The following ANXA5 variants were observed in gnomAD, a reference collection of about 807,000 sequenced individuals.
ANXA5 encodes CBP-I.
ANXA5 carries 40 observed loss-of-function variants against 48.1 expected under a neutral mutation model. That is an observed-to-expected ratio of 0.83 (90% confidence interval 0.65 to 1.08). ANXA5 has a LOEUF of 1.08. ANXA5 is among the 50% of genes least tolerant of loss of function. The pLI is 0.00. For synonymous variants in ANXA5, 113 were observed against 129.1 expected (o/e 0.88, Z 0.85); for missense variants, 357 against 376.8 (o/e 0.95, Z 0.44).
At chr4:121,679,634 A>C (rs1404544358) in intron 6 of ANXA5, among the ~76,000 whole-genome samples, 2 of 152,078 alleles carry the variant, frequency 1.3e-5, no homozygotes, top group Non-Finnish European at 2.9e-5. Flanking sequence ...CCGTCCCTCA[A>C]TACACTCTCC....
intron 10 of ANXA5, among the ~76,000 whole-genome samples, chr4:121,670,267 C>T (rs375484154): frequency 2.4e-4 from 36 of 152,186 alleles, no homozygotes; most frequent in African/African-American, 5.5e-4. Flanking sequence ...TTTTTCTATG[C>T]GCCTTGGTTC....
At chr4:121,690,548 C>G (rs1415502204) in intron 2 of ANXA5, among the ~76,000 whole-genome samples, 2 of 151,490 alleles carry the variant, frequency 1.3e-5, no homozygotes, top group African/African-American at 4.9e-5. Flanking sequence ...CAACAGTTTG[C>G]AAAGCAGGCT....
At chr4:121,693,062 C>T (rs775714608) in intron 2 of ANXA5, among the ~76,000 whole-genome samples, 2 of 152,136 alleles carry the variant, frequency 1.3e-5, no homozygotes, top group Admixed American at 1.3e-4. Context: ...GGCGAAACTC[C>T]GTCTCTACTA....
chr4:121,674,441 G>C (rs1724665274), intron 8 of ANXA5, among the ~76,000 whole-genome samples: 1 of 152,124 alleles, frequency 6.6e-6, no homozygotes, highest in Admixed American at 6.6e-5. Context: ...TCTACATGTA[G>C]ATAAAATATA....
chr4:121,684,626 A>G lies in ANXA5; in HGVS notation c.189+51T>C, dbSNP rs764003339. The G allele has an allele frequency of 2.0e-5, 29 of 1,478,464 alleles. 1 individual carries two copies. The highest frequency in any genetic ancestry group is 1.7e-4 in the Middle Eastern group (1 of 5,800). The allele number at this position is 1,478,464 out of a possible 1,614,324, so 91.6% of individuals were successfully genotyped here. ...TATCAGTATATTCCAAACTAGTCTT[A>G]TAACTGATAGCTGTTCTCCCATTCT... On this transcript the variant is annotated intron_variant, in intron 4 of 12. Transcript: ENST00000296511.
intron 2 of ANXA5, among the ~76,000 whole-genome samples, chr4:121,690,341 T>C (rs1207103444): frequency 6.6e-6 from 1 of 151,998 alleles, no homozygotes; most frequent in East Asian, 1.9e-4. Flanking sequence ...AGGAGGGTGA[T>C]GGCATGGAAG....
At chr4:121,674,084 G>C (rs936020051) in intron 8 of ANXA5, among the ~76,000 whole-genome samples, 2 of 150,530 alleles carry the variant, frequency 1.3e-5, no homozygotes, top group African/African-American at 4.9e-5. Flanking sequence ...GGGAGGCTGT[G>C]GCAAGAGAAT....
At chr4:121,684,106 GT>G (rs1724836743) in intron 4 of ANXA5, among the ~76,000 whole-genome samples, 3 of 151,864 alleles carry the variant, frequency 2.0e-5, no homozygotes, top group African/African-American at 4.8e-5. Flanking sequence ...CTTTGCACTT[GT>G]TTCCTTAGTT....
chr4:121,672,407 A>C (rs904150971), intron 9 of ANXA5, 126 bp downstream of exon 9: 7 of 647,296 alleles, frequency 1.1e-5, no homozygotes, highest in Non-Finnish European at 1.6e-5. Context: ...GGTCACCAAA[A>C]GGAAGAAATA....
At chr4:121,675,795 G>T (rs1724686708) in intron 8 of ANXA5, among the ~76,000 whole-genome samples, 1 of 152,202 alleles carries the variant, frequency 6.6e-6, no homozygotes, top group African/African-American at 2.4e-5. Flanking sequence ...CAGACCCATA[G>T]AATCAGAATC....
chr4:121,672,569 T>A lies in ANXA5; in HGVS notation c.589A>T (p.Ile197Phe), dbSNP rs1424893349. The A allele has an allele frequency of 6.2e-7, 1 of 1,613,918 alleles. No individual in the cohort carries two copies. Among genetic ancestry groups the A allele is most frequent in the East Asian group, 2.2e-5 (1 of 44,862 alleles). Residue 197 changes from isoleucine (I) to phenylalanine (F), a missense_variant, in exon 9 of 13, where the codon ATC (isoleucine) becomes TTC (phenylalanine). Ile to Phe is a conservative substitution (Grantham distance 21). Coordinates refer to ENST00000296511, the MANE Select transcript of ANXA5 (RefSeq NM_001154.4). ...TGAGACACACTTCGTGTTCCAAAGA[T>A]GGTGATAAACTTTTCTTCATCTGTC... ...WGTDEEKFITIFGTRSVSHLR... is the reference protein window; with the variant it reads ...WGTDEEKFITFFGTRSVSHLR...
intron 6 of ANXA5, among the ~76,000 whole-genome samples, chr4:121,679,846 T>C (rs1724760301): frequency 6.6e-6 from 1 of 152,214 alleles, no homozygotes; most frequent in Non-Finnish European, 1.5e-5. Flanking sequence ...ATCAAGTTAA[T>C]CAGCATATCC....
intron 2 of ANXA5, among the ~76,000 whole-genome samples, chr4:121,694,282 AT>A (rs1725040886): frequency 9.8e-6 from 1 of 102,334 alleles, no homozygotes; most frequent in Non-Finnish European, 2.0e-5. Context: ...TAAATAAAAA[AT>A]AAACAAAAAA....
At chr4:121,669,496 A>G in intron 12 of ANXA5, 106 bp downstream of exon 12, 1 of 1,416,098 alleles carries the variant, frequency 7.1e-7, no homozygotes, top group South Asian at 1.3e-5. Flanking sequence ...GTGTCACTAA[A>G]ATTTTAAACT....
At chr4:121,677,797 A>G (rs1215687392) in intron 8 of ANXA5, 97 bp downstream of exon 8, 3 of 1,061,548 alleles carry the variant, frequency 2.8e-6, no homozygotes, top group Non-Finnish European at 4.4e-6. Context: ...GATTATCACT[A>G]GAAGCTATTA....
Position 121,686,382 on chromosome 4 carries a change from G to A in ANXA5, c.10-10C>T, listed in dbSNP as rs754721254. 6.9e-6 allele frequency: 11 copies of A among 1,603,832 alleles called. No homozygotes were observed. The highest frequency in any genetic ancestry group is 2.2e-5 in the South Asian group (2 of 90,774). On this transcript the variant is annotated splice_polypyrimidine_tract_variant and intron_variant, in intron 2 of 12. Transcript: ENST00000296511. ...CAGTGCCTCTGAGAACCTAATTCAC[G>A]AAACACAGTGGTATTATTCATATCA... is the stretch of plus-strand genomic sequence containing the variant.
At chr4:121,685,497 A>T (rs1197579266) in intron 3 of ANXA5, among the ~76,000 whole-genome samples, 2 of 152,204 alleles carry the variant, frequency 1.3e-5, no homozygotes, top group Non-Finnish European at 2.9e-5. Context: ...CAGTGGGGAA[A>T]TACAGGGCTT....
rs1487934715 is a variant in ANXA5, at chr4:121,686,303, C to A, written c.79G>T (p.Ala27Ser). The change falls in exon 3 of 13, where the codon GCT becomes TCT. Residue 27 changes from alanine (A) to serine (S), a missense_variant. Ala to Ser is a moderately conservative substitution (Grantham distance 99). Transcript: ENST00000296511. ...ERADAETLRKAMKGLGTDEES... is the reference protein window; with the variant it reads ...ERADAETLRKSMKGLGTDEES... ...CTAAATTTACCCAAGCCTTTCATAG[C>A]CTTCCGAAGAGTTTCTGCATCAGCC... 1 of 1,613,794 alleles carries A rather than the reference C, an allele frequency of 6.2e-7. No homozygotes were observed. The highest frequency in any genetic ancestry group is 2.2e-5 in the East Asian group (1 of 44,888).
chr4:121,685,097 T>C (rs6848645), intron 3 of ANXA5, among the ~76,000 whole-genome samples: 109,195 of 149,506 alleles, frequency 0.73, 42,933 homozygotes, highest in East Asian at 0.99. Flanking sequence ...CAGACGCAAA[T>C]ACACACATAT....
Sources: gnomAD v4.1 joint callset for allele counts (sites outside exome capture counted in the v4.1 genomes callset) on GRCh38, gnomAD v4.1.1 for gene constraint, MANE v1.5 for transcripts, NCBI Gene and HGNC (gene_info 2026-07-23, HGNC 2026-07-21) for gene names.